The following SATB2 variants were observed in gnomAD, a reference collection of about 807,000 sequenced individuals.
SATB2 encodes the protein DNA-binding protein SATB2.
In SATB2, 1 loss-of-function variant was observed where a neutral mutation model predicts 73.4. The ratio of observed to expected loss-of-function variants is 0.01; its 90% CI spans 0.00 to 0.06. The LOEUF is 0.06. SATB2 is among the 10% of genes least tolerant of loss of function. The pLI, the probability that SATB2 is intolerant of heterozygous loss-of-function variation, is 1.00. For missense variants in SATB2, 459 were observed against 945.8 expected, an observed-to-expected ratio of 0.49 and a Z score of 6.75; for synonymous variants, 397 against 367.0, an observed-to-expected ratio of 1.08 and a Z score of -0.93.
chr2:199,346,700 A>C (rs891944693), intron 7 of SATB2, among the ~76,000 whole-genome samples: 1 of 152,188 alleles, frequency 6.6e-6, no homozygotes, highest in Non-Finnish European at 1.5e-5. Context: ...AACCAAAAGT[A>C]AACAGACCCT....
chr2:199,405,661 T>A (rs1026604353), intron 3 of SATB2, among the ~76,000 whole-genome samples: 1 of 152,160 alleles, frequency 6.6e-6, no homozygotes, highest in Non-Finnish European at 1.5e-5. Context: ...TCAAAAGTGT[T>A]CTCTGAACCT....
At chr2:199,417,148 C>T (rs1405214241) in intron 3 of SATB2, among the ~76,000 whole-genome samples, 1 of 151,608 alleles carries the variant, frequency 6.6e-6, no homozygotes, top group African/African-American at 2.4e-5. Context: ...ATAAATATCA[C>T]CATTTACTTT....
intron 10 of SATB2, among the ~76,000 whole-genome samples, chr2:199,307,303 G>A (rs1307150662): frequency 6.6e-6 from 1 of 152,234 alleles, no homozygotes; most frequent in East Asian, 1.9e-4. Context: ...ATAAAAGGTT[G>A]GAAAGCCTAC....
chr2:199,309,397 C>T (rs994281271), intron 9 of SATB2, among the ~76,000 whole-genome samples: 2 of 152,242 alleles, frequency 1.3e-5, no homozygotes, highest in African/African-American at 4.8e-5. Context: ...GTAAACAACA[C>T]TGAATTCTCT....
intron 7 of SATB2, among the ~76,000 whole-genome samples, chr2:199,337,697 G>A (rs1417312242): frequency 3.9e-5 from 6 of 152,132 alleles, no homozygotes; most frequent in Admixed American, 3.9e-4. Flanking sequence ...AGTAAATTCT[G>A]CAGTCTATAC....
chr2:199,385,591 G>A (rs1689908526), intron 3 of SATB2, among the ~76,000 whole-genome samples: 1 of 152,194 alleles, frequency 6.6e-6, no homozygotes, highest in Admixed American at 6.5e-5. Flanking sequence ...CCTCCATGAG[G>A]AAATGGAGAT....
intron 7 of SATB2, among the ~76,000 whole-genome samples, chr2:199,334,607 A>G (rs1294768930): frequency 3.9e-5 from 6 of 152,034 alleles, no homozygotes; most frequent in Admixed American, 3.9e-4. Context: ...CTTATTCCTC[A>G]TGTTTCACCC....
intron 3 of SATB2, among the ~76,000 whole-genome samples, chr2:199,405,074 T>C (rs1690590605): frequency 6.6e-6 from 1 of 152,190 alleles, no homozygotes; most frequent in Admixed American, 6.5e-5. Flanking sequence ...CCACAGAATG[T>C]ACCCAGAACT....
chr2:199,311,288 A>G (rs1372284052), intron 9 of SATB2, among the ~76,000 whole-genome samples: 3 of 152,176 alleles, frequency 2.0e-5, no homozygotes, highest in Non-Finnish European at 4.4e-5. Flanking sequence ...CATGGTATTT[A>G]GAGGGTTATT....
upstream of SATB2, among the ~76,000 whole-genome samples, chr2:199,465,573 C>T (rs898986146): frequency 2.0e-5 from 3 of 152,086 alleles, no homozygotes; most frequent in African/African-American, 4.8e-5. Flanking sequence ...GGAACCATGC[C>T]GTAATTTAAA....
At chr2:199,401,695 GA>G (rs745790838) in intron 3 of SATB2, among the ~76,000 whole-genome samples, 11 of 152,068 alleles carry the variant, frequency 7.2e-5, no homozygotes, top group Middle Eastern at 3.4e-3. Flanking sequence ...AAATATGGGG[GA>G]AAAAAATGTG....
chr2:199,409,399 ACCTCAGGTGATC>A (rs1286719456), intron 3 of SATB2, among the ~76,000 whole-genome samples: 3 of 151,994 alleles, frequency 2.0e-5, no homozygotes, highest in African/African-American at 7.2e-5. Context: ...CGAACTCCGG[ACCTCAGGTGATC>A]CTCCCGCCTT....
chr2:199,323,480 C>T lies in SATB2; in HGVS notation c.1542+323G>A, dbSNP rs73984032. On this transcript the variant is annotated intron_variant, in intron 9 of 10. Coordinates refer to ENST00000417098, the MANE Select transcript of SATB2 (RefSeq NM_001172509.2). ...ATACATTCTAAGTTTTGTTCATACACACACACACACACACACACACACACA... is the reference window on the plus strand; with the variant it reads ...ATACATTCTAAGTTTTGTTCATACATACACACACACACACACACACACACA... Among the ~76,000 whole-genome samples, 445 of 129,444 alleles carry T rather than the reference C, an allele frequency of 3.4e-3. 7 individuals carry two copies. The highest frequency in any genetic ancestry group is 4.4e-3 in the Middle Eastern group (1 of 228). The allele number at this position is 129,444 out of a possible 152,430, so 84.9% of individuals were successfully genotyped here.
At chr2:199,350,710 C>T (rs1310010626) in intron 6 of SATB2, among the ~76,000 whole-genome samples, 2 of 152,004 alleles carry the variant, frequency 1.3e-5, no homozygotes, top group Non-Finnish European at 2.9e-5. Context: ...ATGTACAGTG[C>T]TTTTTCCTGC....
intron 5 of SATB2, among the ~76,000 whole-genome samples, chr2:199,378,302 C>T (rs1025539909): frequency 1.3e-5 from 2 of 152,318 alleles, no homozygotes; most frequent in African/African-American, 4.8e-5. Flanking sequence ...GAGGTTTGTA[C>T]ACTTCCACAC....
intron 3 of SATB2, among the ~76,000 whole-genome samples, chr2:199,401,386 A>C (rs1690470195): frequency 6.6e-6 from 1 of 151,878 alleles, no homozygotes; most frequent in Non-Finnish European, 1.5e-5. Context: ...TGTCTACTAA[A>C]ATACAAAAAA....
intron 2 of SATB2, among the ~76,000 whole-genome samples, chr2:199,438,255 T>C (rs1691710535): frequency 6.6e-6 from 1 of 152,260 alleles, no homozygotes; most frequent in Non-Finnish European, 1.5e-5. Flanking sequence ...ATGTGGCTTG[T>C]ATTAGTATCA....
chr2:199,408,959 T>C (rs1690723311), intron 3 of SATB2, among the ~76,000 whole-genome samples: 1 of 152,130 alleles, frequency 6.6e-6, no homozygotes, highest in Non-Finnish European at 1.5e-5. Context: ...ATATTAATTA[T>C]GTTTTATGGC....
rs917580969 is a variant in SATB2, at chr2:199,385,127, TTTTG to T, written c.347-3311_347-3308del. Reference sequence around the variant, plus strand: ...AAGTAGATTCAGATCTCCCCTACTTTTTTGTTTGTTTGTTTGTTTGTTTCTGACA... The same window carrying T: ...AAGTAGATTCAGATCTCCCCTACTTTTTTGTTTGTTTGTTTGTTTCTGACA... On this transcript the variant is annotated intron_variant, in intron 3 of 10. Transcript: ENST00000417098. Among the ~76,000 whole-genome samples the T allele has an allele frequency of 2.5e-3, 376 of 152,144 alleles. 4 individuals carry two copies. Among genetic ancestry groups the T allele is most frequent in the African/African-American group, 7.3e-3 (304 of 41,494 alleles).
Sources: gnomAD v4.1 joint callset for allele counts (sites outside exome capture counted in the v4.1 genomes callset) on GRCh38, gnomAD v4.1.1 for gene constraint, MANE v1.5 for transcripts, NCBI Gene and HGNC (gene_info 2026-07-23, HGNC 2026-07-21) for gene names.